AGBL1: variants seen among roughly 807,000 people sequenced by gnomAD.
The protein encoded by AGBL1 is cytosolic carboxypeptidase 4.
A neutral mutation model predicts 118.9 loss-of-function variants in AGBL1; 130 were observed. The ratio of observed to expected loss-of-function variants is 1.09; its 90% CI spans 0.95 to 1.26. AGBL1 has a LOEUF of 1.26. Ranked by LOEUF, AGBL1 falls within the 50% of genes most tolerant of loss-of-function variation. The probability of loss-of-function intolerance (pLI) is 0.00; values close to 1 mark genes in which losing one functional copy is unlikely to be tolerated. For missense variants in AGBL1, 1,584 were observed against 1,298.1 expected (o/e 1.22, Z -3.38); for synonymous variants, 555 against 478.9 (o/e 1.16, Z -2.08).
Position 86,268,115 on chromosome 15 carries a change from G to A in AGBL1, c.1838+1039G>A, listed in dbSNP as rs773242338. 3.3e-5 allele frequency among the ~76,000 whole-genome samples: 5 copies of A among 152,132 alleles called. No individual in the cohort carries two copies. The East Asian group carries it at 5.8e-4, about 18-fold the overall frequency. On this transcript the variant is annotated intron_variant, in intron 13 of 22. Coordinates refer to ENST00000614907, the MANE Select transcript of AGBL1 (RefSeq NM_001386094.1). Reference sequence around the variant, plus strand: ...CGTTCTTACTCAGGGATGCATATTCGCCATTGTTGGAGCTCAGAATTCAGT... The same window carrying A: ...CGTTCTTACTCAGGGATGCATATTCACCATTGTTGGAGCTCAGAATTCAGT...
intron 1 of AGBL1, among the ~76,000 whole-genome samples, chr15:86,137,114 T>C (rs1363740459): frequency 6.6e-6 from 1 of 152,232 alleles, no homozygotes; most frequent in African/African-American, 2.4e-5. Flanking sequence ...AAAATATTTA[T>C]TGGTAAATGT....
Position 86,791,728 on chromosome 15 carries a change from T to TATA in AGBL1, c.3159-115359_3159-115358insATA, listed in dbSNP as rs1177264209. Among the ~76,000 whole-genome samples the TATA allele has an allele frequency of 7.5e-3, 1,065 of 142,870 alleles. 50 individuals are homozygous for TATA. The East Asian group carries it at 0.14, about 19-fold the overall frequency. 93.7% of individuals were successfully genotyped at this position (142,870 alleles called of 152,430 possible). The stretch of plus-strand genomic sequence containing the variant: ...TTCTGAACTCATCTTTCCTTGTTTT[T>TATA]TATATATATATATATATATATATTT... On this transcript the variant is annotated intron_variant, in intron 22 of 22. Coordinates refer to ENST00000614907, the MANE Select transcript of AGBL1 (RefSeq NM_001386094.1).
intron 17 of AGBL1, among the ~76,000 whole-genome samples, chr15:86,337,821 TAACA>T (rs1386925469): frequency 6.6e-6 from 1 of 152,146 alleles, no homozygotes; most frequent in Non-Finnish European, 1.5e-5. Flanking sequence ...TTTACCTGTG[TAACA>T]AACCTGCACA....
chr15:86,477,373 G>C (rs182924213), intron 18 of AGBL1, among the ~76,000 whole-genome samples: 1 of 152,076 alleles, frequency 6.6e-6, no homozygotes, highest in Non-Finnish European at 1.5e-5. Context: ...GAATCAAATA[G>C]ACGCAATAAA....
At chr15:86,328,644 G>C (rs760096007) in intron 17 of AGBL1, among the ~76,000 whole-genome samples, 14 of 152,148 alleles carry the variant, frequency 9.2e-5, no homozygotes, top group Non-Finnish European at 1.9e-4. Context: ...CCCTGTGACA[G>C]TGTCTATCTC....
At chr15:86,985,498 C>T (rs1372431067) in intron 23 of AGBL1, among the ~76,000 whole-genome samples, 2 of 152,234 alleles carry the variant, frequency 1.3e-5, no homozygotes, top group Non-Finnish European at 2.9e-5. Flanking sequence ...CGCTGCTAAG[C>T]AGCTTTTCAT....
intron 22 of AGBL1, among the ~76,000 whole-genome samples, chr15:86,676,608 G>C (rs1596360006): frequency 1.3e-5 from 2 of 152,062 alleles, no homozygotes. Context: ...GTAATACAAA[G>C]AGTGTAACCA....
rs973591520 is a variant in AGBL1 at position 86,756,492 on chromosome 15, C to T, written c.3158+82056C>T. ...GGACAGAGATGCTGCCCTTCCATGC[C>T]ATGGGTGTTTTAAGAAGGGAAGGGC... On this transcript the variant is annotated intron_variant, in intron 22 of 22. Transcript: ENST00000614907. Among the ~76,000 whole-genome samples, 16 of 149,800 alleles carry T rather than the reference C, an allele frequency of 1.1e-4. 1 individual carries two copies. The highest frequency in any genetic ancestry group is 4.1e-4 in the African/African-American group (16 of 39,262).
At chr15:86,713,108 C>G (rs1158132542) in intron 22 of AGBL1, among the ~76,000 whole-genome samples, 1 of 152,216 alleles carries the variant, frequency 6.6e-6, no homozygotes, top group Non-Finnish European at 1.5e-5. Context: ...GGACCCTACA[C>G]TCCCTTTCCT....
At chr15:86,671,751 C>T (rs2085749785) in intron 21 of AGBL1, among the ~76,000 whole-genome samples, 1 of 152,162 alleles carries the variant, frequency 6.6e-6, no homozygotes. Flanking sequence ...TCAAGTTCTA[C>T]TTGACAGTTA....
chr15:86,980,277 G>C (rs1415166652), intron 23 of AGBL1, among the ~76,000 whole-genome samples: 3 of 152,216 alleles, frequency 2.0e-5, no homozygotes, highest in Non-Finnish European at 2.9e-5. Flanking sequence ...AGAAGTTAGA[G>C]CTGCCTGCTG....
At chr15:86,872,777 A>G (rs1156433322) in intron 22 of AGBL1, among the ~76,000 whole-genome samples, 1 of 152,100 alleles carries the variant, frequency 6.6e-6, no homozygotes, top group Non-Finnish European at 1.5e-5. Context: ...ATAAAAAGAA[A>G]GTACTTTCTA....
intron 21 of AGBL1, among the ~76,000 whole-genome samples, chr15:86,654,505 C>T (rs1229490237): frequency 2.6e-5 from 4 of 152,168 alleles, no homozygotes; most frequent in African/African-American, 7.2e-5. Context: ...TGCAATGTCT[C>T]ATCCTTGAAA....
chr15:86,990,441 G>C (rs1311610967), intron 24 of AGBL1, among the ~76,000 whole-genome samples: 1 of 152,038 alleles, frequency 6.6e-6, no homozygotes, highest in Admixed American at 6.6e-5. Flanking sequence ...TTGAACCCAG[G>C]GGGCAGAGTT....
chr15:86,113,581 C>G (rs527686814), intron 1 of AGBL1, among the ~76,000 whole-genome samples: 1 of 152,042 alleles, frequency 6.6e-6, no homozygotes, highest in Non-Finnish European at 1.5e-5. Flanking sequence ...CCACTGCACC[C>G]GGCCCACCTT....
rs200730774 is a variant in AGBL1 at position 86,361,571 on chromosome 15, G to C, written c.2375-35795G>C. Among the ~76,000 whole-genome samples, 6 of 151,986 alleles carry C rather than the reference G, an allele frequency of 3.9e-5. No individual in the cohort carries two copies. In the East Asian group the frequency reaches 1.2e-3, roughly 29 times the overall value. The stretch of plus-strand genomic sequence containing the variant: ...TGAAGTCTCCTACTATTATTGTGTT[G>C]ATGTCTATTTTCTTATTTAGATCTG... On this transcript the variant is annotated intron_variant, in intron 17 of 22. Coordinates refer to ENST00000614907, the MANE Select transcript of AGBL1 (RefSeq NM_001386094.1).
rs149160017 is a variant in AGBL1 at position 86,797,328 on chromosome 15, G to A, written c.3159-109759G>A. 6.6e-5 allele frequency among the ~76,000 whole-genome samples: 10 copies of A among 152,304 alleles called. No homozygotes were observed. In the East Asian group the frequency reaches 1.9e-3, roughly 29 times the overall value. On this transcript the variant is annotated intron_variant, in intron 22 of 22. Transcript: ENST00000614907. ...ATGACAGATTCCTCTTTACATCCCA[G>A]TGATAAGTGACCCACAGGAGGCTGT...
At chr15:86,444,574 A>G (rs951749708) in intron 18 of AGBL1, among the ~76,000 whole-genome samples, 18 of 152,204 alleles carry the variant, frequency 1.2e-4, no homozygotes, top group Non-Finnish European at 1.5e-5. Flanking sequence ...TGGGAGTTCC[A>G]GGTACTAAGA....
chr15:86,108,588 T>G (rs1897184448), intron 1 of AGBL1, among the ~76,000 whole-genome samples: 2 of 152,178 alleles, frequency 1.3e-5, no homozygotes, highest in Non-Finnish European at 2.9e-5. Context: ...TGCTCCAGTT[T>G]CTCTTCTTGT....
Sources: gnomAD v4.1 joint callset for allele counts (sites outside exome capture counted in the v4.1 genomes callset) on GRCh38, gnomAD v4.1.1 for gene constraint, MANE v1.5 for transcripts, NCBI Gene and HGNC (gene_info 2026-07-23, HGNC 2026-07-21) for gene names.